The following SGCD variants were observed in gnomAD, a reference collection of about 807,000 sequenced individuals.
SGCD encodes delta-sarcoglycan.
A neutral mutation model predicts 36.6 loss-of-function variants in SGCD; 18 were observed. The observed-to-expected ratio is 0.49, with a 90% CI of 0.34 to 0.73. The LOEUF (loss-of-function observed/expected upper bound fraction) is 0.73. Ranked by LOEUF, SGCD falls within the 30% of genes least tolerant of loss-of-function variation. SGCD has a pLI of 0.01. For synonymous variants in SGCD, 133 were observed against 130.6 expected (o/e 1.02, Z -0.12); for missense variants, 387 against 346.7 (o/e 1.12, Z -0.92).
the SGCD span, among the ~76,000 whole-genome samples, chr5:155,846,848 T>A: frequency 1.3e-5 from 2 of 152,218 alleles, no homozygotes; most frequent in African/African-American, 4.8e-5. Context: ...TCCTGACTCT[T>A]ATTTTCTGCT....
the SGCD span, among the ~76,000 whole-genome samples, chr5:155,849,078 G>A: frequency 1.3e-5 from 2 of 151,994 alleles, no homozygotes; most frequent in African/African-American, 4.8e-5. Context: ...TTTTTGTAAT[G>A]TACATAAGGA....
At chr5:155,890,638 T>TGATAGATAGATAGATAGATA (rs34093451) in intron 1 of SGCD, among the ~76,000 whole-genome samples, 5 of 143,438 alleles carry the variant, frequency 3.5e-5, no homozygotes, top group East Asian at 2.1e-4. Flanking sequence ...GATAGACAGA[T>TGATAGATAGATAGATAGATA]GATAGATAGA....
intron 4 of SGCD, among the ~76,000 whole-genome samples, chr5:156,557,961 A>G (rs987716535): frequency 2.0e-4 from 31 of 151,720 alleles, no homozygotes; most frequent in African/African-American, 6.8e-4. Flanking sequence ...TGGAAACATT[A>G]TTCTTGAGGA....
At chr5:156,323,958 G>A (rs1474627978), upstream of SGCD, among the ~76,000 whole-genome samples, 2 of 152,122 alleles carry the variant, frequency 1.3e-5, no homozygotes, top group Non-Finnish European at 2.9e-5. Flanking sequence ...CATGCATTTC[G>A]CTAAGTGATT....
rs942917145 is a variant in SGCD, at chr5:156,369,462, C to G, written c.192+24785C>G. Among the ~76,000 whole-genome samples the G allele has an allele frequency of 2.8e-4, 43 of 152,156 alleles. 1 individual carries two copies. The highest frequency in any genetic ancestry group is 2.6e-3 in the Admixed American group (39 of 15,272). ...ATTGGGGTTATAGACTAATAGTTGGCCAGTTTGTCTAGCAGAAGTGTATTA... is the reference window on the plus strand; with the variant it reads ...ATTGGGGTTATAGACTAATAGTTGGGCAGTTTGTCTAGCAGAAGTGTATTA... On this transcript the variant is annotated intron_variant, in intron 3 of 8. Coordinates refer to ENST00000337851, the MANE Select transcript of SGCD (RefSeq NM_000337.6).
intron 6 of SGCD, among the ~76,000 whole-genome samples, chr5:156,595,434 T>C (rs1310258127): frequency 6.6e-6 from 1 of 152,180 alleles, no homozygotes; most frequent in Non-Finnish European, 1.5e-5. Context: ...CCACCCAGGC[T>C]ATGGTACTTT....
intron 1 of SGCD, among the ~76,000 whole-genome samples, chr5:155,981,042 G>A (rs535671110): frequency 8.7e-4 from 133 of 152,328 alleles, no homozygotes; most frequent in African/African-American, 3.1e-3. Flanking sequence ...CAGGAGAGGT[G>A]TGGAAGCAGG....
At chr5:156,693,741 C>T (rs976070211) in intron 7 of SGCD, among the ~76,000 whole-genome samples, 1 of 152,132 alleles carries the variant, frequency 6.6e-6, no homozygotes, top group Non-Finnish European at 1.5e-5. Context: ...GATTGTATCA[C>T]AAATTGCAGT....
At chr5:156,278,365 C>T (rs1766372494) in intron 3 of SGCD, among the ~76,000 whole-genome samples, 1 of 152,122 alleles carries the variant, frequency 6.6e-6, no homozygotes, top group Admixed American at 6.6e-5. Context: ...TCTGGTTGCT[C>T]TTGCCTGCAC....
At chr5:156,387,334 C>T (rs975377157) in intron 3 of SGCD, among the ~76,000 whole-genome samples, 1 of 152,154 alleles carries the variant, frequency 6.6e-6, no homozygotes, top group Non-Finnish European at 1.5e-5. Flanking sequence ...GATTCAGAAA[C>T]GACTGTTGTC....
At chr5:156,127,880 A>AAAAAAAAAAAAAAC (rs1561530928) in intron 3 of SGCD, among the ~76,000 whole-genome samples, 1 of 121,704 alleles carries the variant, frequency 8.2e-6, no homozygotes, top group Non-Finnish European at 1.7e-5. Flanking sequence ...AAAAAAAAAA[A>AAAAAAAAAAAAAAC]CCCACCAGAG....
intron 1 of SGCD, among the ~76,000 whole-genome samples, chr5:156,038,014 C>T (rs1759541532): frequency 6.6e-6 from 1 of 152,106 alleles, no homozygotes; most frequent in African/African-American, 2.4e-5. Context: ...ACAAGCCTTC[C>T]CGTAACTGTC....
At chr5:156,591,663 G>A (rs1439157197) in intron 5 of SGCD, among the ~76,000 whole-genome samples, 1 of 152,014 alleles carries the variant, frequency 6.6e-6, no homozygotes, top group African/African-American at 2.4e-5. Context: ...AATTAAGGAG[G>A]CACTCCACAC....
the SGCD span, among the ~76,000 whole-genome samples, chr5:155,750,111 G>A: frequency 1.6e-4 from 25 of 152,132 alleles, no homozygotes; most frequent in East Asian, 2.1e-3. Context: ...TAAAAGTTTA[G>A]TCTGTCTGGG....
chr5:155,889,726 A>G (rs545972685), intron 1 of SGCD, among the ~76,000 whole-genome samples: 12 of 152,308 alleles, frequency 7.9e-5, no homozygotes, highest in Admixed American at 3.3e-4. Context: ...GTGGCATCAA[A>G]TGCATTGCCT....
intron 3 of SGCD, 96 bp downstream of exon 3, chr5:156,344,773 T>C (rs1768863043): frequency 2.2e-6 from 2 of 898,660 alleles, no homozygotes; most frequent in African/African-American, 1.7e-5. Flanking sequence ...ATTATTACAG[T>C]AGGACTCAAA....
intron 1 of SGCD, among the ~76,000 whole-genome samples, chr5:155,897,952 G>C (rs1009261357): frequency 2.0e-5 from 3 of 152,114 alleles, no homozygotes; most frequent in Admixed American, 6.6e-5. Flanking sequence ...TGAATTGCTA[G>C]CGTCTAGACA....
At chr5:156,406,790 TTATATA>T (rs200600544) in intron 3 of SGCD, among the ~76,000 whole-genome samples, 17 of 75,664 alleles carry the variant, frequency 2.2e-4, no homozygotes, top group Non-Finnish European at 3.8e-4. Flanking sequence ...ATAGGAGATT[TTATATA>T]TATATATATA....
At chr5:156,627,208 A>T (rs1023602818) in intron 6 of SGCD, among the ~76,000 whole-genome samples, 2 of 152,154 alleles carry the variant, frequency 1.3e-5, no homozygotes, top group African/African-American at 4.8e-5. Context: ...AGATGTTTCC[A>T]TTTGTCATGA....
Sources: gnomAD v4.1 joint callset for allele counts (sites outside exome capture counted in the v4.1 genomes callset) on GRCh38, gnomAD v4.1.1 for gene constraint, MANE v1.5 for transcripts, NCBI Gene and HGNC (gene_info 2026-07-23, HGNC 2026-07-21) for gene names.